The following EIF2B3 variants were observed in gnomAD, a reference collection of about 807,000 sequenced individuals.
The protein encoded by EIF2B3 is translation initiation factor eIF2B subunit gamma.
In EIF2B3, 20 loss-of-function variants were observed where a neutral mutation model predicts 54.1. That is an observed-to-expected ratio of 0.37 (90% CI 0.26 to 0.54). The LOEUF is 0.54. Among genes scored for constraint, EIF2B3 ranks in the 20% least tolerant of loss-of-function variants. The pLI is 0.86. For missense variants in EIF2B3, 448 were observed against 547.8 expected (o/e 0.82, Z 1.82); for synonymous variants, 153 against 188.1 (o/e 0.81, Z 1.52).
chr1:44,898,727 C>T (rs1338665756), intron 5 of EIF2B3, among the ~76,000 whole-genome samples: 1 of 152,108 alleles, frequency 6.6e-6, no homozygotes, highest in Non-Finnish European at 1.5e-5. Flanking sequence ...TGGAGATAGC[C>T]ACTTGCCTAG....
chr1:44,910,230 T>TTTC (rs1643485319), intron 5 of EIF2B3, among the ~76,000 whole-genome samples: 1 of 151,844 alleles, frequency 6.6e-6, no homozygotes, highest in Non-Finnish European at 1.5e-5. Context: ...TGGAGGGGGG[T>TTTC]TTCTTTAAAG....
At chr1:44,855,808 C>T (rs11211045) in intron 11 of EIF2B3, among the ~76,000 whole-genome samples, 28,393 of 152,112 alleles carry the variant, frequency 0.19, 2,897 homozygotes, top group Admixed American at 0.28. Context: ...CCGCCCACTT[C>T]GGCCTCCCAA....
chr1:44,981,080 A>C lies in EIF2B3; in HGVS notation c.89T>G (p.Val30Gly). Residue 30 changes from valine to glycine, a missense_variant, in exon 2 of 12, where the codon GTT (valine) becomes GGT (glycine). This residue lies in a region of EIF2B3 where 95 missense variants were observed against 115.7 expected (regional missense o/e 0.82). Coordinates refer to ENST00000360403, the MANE Select transcript of EIF2B3 (RefSeq NM_020365.5). ...TSSIPKPLLP[V>G]GNKPLIWYPL... is the part of the protein sequence containing the mutation. ...GTACCAAATTAAAGGTTTGTTCCCA[A>C]CTGGAAGCAGAGGTTTGGGAATGCT... 6.2e-7 allele frequency: 1 copy of C among 1,613,628 alleles called. No individual in the cohort carries two copies. Among genetic ancestry groups the C allele is most frequent in the South Asian group, 1.1e-5 (1 of 91,080 alleles).
In EIF2B3 at chr1:44,935,430, A is replaced by G. The variant is rs145817517; in HGVS notation, c.454+6076T>C. 4.7e-4 allele frequency among the ~76,000 whole-genome samples: 72 copies of G among 152,312 alleles called. 1 individual carries two copies. The highest frequency in any genetic ancestry group is 3.4e-3 in the Middle Eastern group (1 of 294). ...TATATGCATATACGGTGTCACTGAA[A>G]TTCTCTATGTGTCGTCTTTACTGTT... On this transcript the variant is annotated intron_variant, in intron 4 of 11. Transcript: ENST00000360403.
intron 10 of EIF2B3, among the ~76,000 whole-genome samples, chr1:44,868,784 T>C (rs1171684141): frequency 6.6e-6 from 1 of 152,142 alleles, no homozygotes; most frequent in Non-Finnish European, 1.5e-5. Flanking sequence ...TGAAGGCAAG[T>C]GTAGTTCTGG....
chr1:44,941,679 A>G lies in EIF2B3; in HGVS notation c.295-14T>C. On this transcript the variant is annotated splice_polypyrimidine_tract_variant and intron_variant, in intron 3 of 11. Transcript: ENST00000360403. ...CAGCACATCTGTCTGTTAAATGGAG[A>G]TGGGAAAAGTCAATATCATAAAGGA... 6.2e-7 allele frequency: 1 copy of G among 1,614,152 alleles called. No homozygotes were observed.
chr1:44,854,819 C>T (rs989098866), intron 11 of EIF2B3, among the ~76,000 whole-genome samples: 1 of 151,830 alleles, frequency 6.6e-6, no homozygotes, highest in Non-Finnish European at 1.5e-5. Flanking sequence ...GAACTCTTGA[C>T]CACAGGGATC....
At chr1:44,914,965 A>G (rs1008652207) in intron 5 of EIF2B3, among the ~76,000 whole-genome samples, 1 of 151,320 alleles carries the variant, frequency 6.6e-6, no homozygotes, top group Non-Finnish European at 1.5e-5. Flanking sequence ...CTGGGATTAC[A>G]GGTGTGAGCC....
At chr1:44,906,986 T>G (rs1643424656) in intron 5 of EIF2B3, among the ~76,000 whole-genome samples, 1 of 152,172 alleles carries the variant, frequency 6.6e-6, no homozygotes, top group South Asian at 2.1e-4. Flanking sequence ...ACCTGAAATG[T>G]GAGTCTTTTT....
chr1:44,968,583 G>A (rs565673025), intron 3 of EIF2B3, among the ~76,000 whole-genome samples: 8 of 152,122 alleles, frequency 5.3e-5, no homozygotes, highest in Non-Finnish European at 1.2e-4. Context: ...TGACAACAAC[G>A]CTGTATGTCA....
At chr1:44,919,243 G>A (rs28566506) in intron 5 of EIF2B3, among the ~76,000 whole-genome samples, 5 of 151,980 alleles carry the variant, frequency 3.3e-5, no homozygotes, top group Middle Eastern at 3.4e-3. Flanking sequence ...CCAACTACTC[G>A]GGAGGCTGAG....
rs538118346 is a variant in EIF2B3, at chr1:44,948,007, T to C, written c.295-6342A>G. On this transcript the variant is annotated intron_variant, in intron 3 of 11. Transcript: ENST00000360403. ...CATGCATGAGCCACTGCACCTGGCA[T>C]AGTTTGTGTGCTTGAATAAACACCA... Among the ~76,000 whole-genome samples, 50 of 152,208 alleles carry C rather than the reference T, an allele frequency of 3.3e-4. 1 individual carries two copies. The Middle Eastern group carries it at 0.01, about 31-fold the overall frequency.
In EIF2B3 at chr1:44,920,799, G is replaced by A. The variant is rs552074892; in HGVS notation, c.566+5829C>T. On this transcript the variant is annotated intron_variant, in intron 5 of 11. Transcript: ENST00000360403. ...TTTATCCATTCATCTGTTGATGGAC[G>A]CTTAGGTTGCTTCCAAACCTTGGCT... Among the ~76,000 whole-genome samples, 6 of 152,220 alleles carry A rather than the reference G, an allele frequency of 3.9e-5. No homozygotes were observed. In the South Asian group the frequency reaches 1.2e-3, roughly 32 times the overall value.
chr1:44,876,993 G>A (rs1311767906), intron 8 of EIF2B3, among the ~76,000 whole-genome samples: 1 of 148,818 alleles, frequency 6.7e-6, no homozygotes, highest in Non-Finnish European at 1.5e-5. Flanking sequence ...GATGCTTGAA[G>A]GCAGCATGCT....
At chr1:44,928,185 C>T (rs1643870129) in intron 4 of EIF2B3, among the ~76,000 whole-genome samples, 1 of 152,076 alleles carries the variant, frequency 6.6e-6, no homozygotes, top group South Asian at 2.1e-4. Context: ...TGGCTCACAC[C>T]TGTAATCCCA....
intron 5 of EIF2B3, among the ~76,000 whole-genome samples, chr1:44,899,787 GAACTA>G (rs1194209175): frequency 2.6e-5 from 4 of 152,180 alleles, no homozygotes; most frequent in Non-Finnish European, 5.9e-5. Context: ...ATATTTCAAA[GAACTA>G]AAACTAGAAC....
intron 4 of EIF2B3, chr1:44,937,382 C>T (rs1032168608): frequency 1.3e-5 from 2 of 152,188 alleles, no homozygotes; most frequent in African/African-American, 4.8e-5. Context: ...GATATGATCC[C>T]TTCCCTTATG....
At chr1:44,907,838 C>T (rs187661751) in intron 5 of EIF2B3, among the ~76,000 whole-genome samples, 21 of 139,292 alleles carry the variant, frequency 1.5e-4, no homozygotes, top group African/African-American at 5.4e-4. Context: ...TGCAGTGAGC[C>T]GAGATCACGC....
intron 4 of EIF2B3, among the ~76,000 whole-genome samples, chr1:44,928,899 G>A (rs1643875211): frequency 6.6e-6 from 1 of 152,130 alleles, no homozygotes; most frequent in Admixed American, 6.6e-5. Context: ...GAATGATTAA[G>A]AACAGAACTT....
Sources: allele counts gnomAD v4.1 joint callset (sites outside exome capture counted in the v4.1 genomes callset), GRCh38; gene constraint gnomAD v4.1.1; regional missense constraint gnomAD v4.1.1; transcripts MANE v1.5; gene names NCBI Gene and HGNC (gene_info 2026-07-23, HGNC 2026-07-21).